Variants in AUTS2 observed in about 807,000 individuals in gnomAD.
AUTS2 encodes the protein activator of transcription and developmental regulator AUTS2, also known as autism susceptibility gene 2 protein.
AUTS2 carries 17 observed loss-of-function variants against 112.4 expected under a neutral mutation model. The observed-to-expected ratio is 0.15, with a 90% CI of 0.10 to 0.23. AUTS2 has a LOEUF of 0.23. Among genes scored for constraint, AUTS2 ranks in the 10% least tolerant of loss-of-function variants. The pLI is 1.00. For synonymous variants in AUTS2, 751 were observed against 702.7 expected (o/e 1.07, Z -1.09); for missense variants, 1,510 against 1,701.6 (o/e 0.89, Z 1.98).
intron 1 of AUTS2, among the ~76,000 whole-genome samples, chr7:69,780,631 C>T (rs1176564338): frequency 6.6e-6 from 1 of 152,206 alleles, no homozygotes; most frequent in Non-Finnish European, 1.5e-5. Context: ...ATTTATAGAG[C>T]TGTAAGTGGC....
At chr7:70,245,593 G>A (rs35308787) in intron 4 of AUTS2, among the ~76,000 whole-genome samples, 13,582 of 152,112 alleles carry the variant, frequency 0.089, 713 homozygotes, top group Admixed American at 0.12. Context: ...CATTTTCACT[G>A]CCCTGTAGTG....
chr7:70,493,724 AT>A (rs1275472052), intron 5 of AUTS2, among the ~76,000 whole-genome samples: 2 of 152,160 alleles, frequency 1.3e-5, no homozygotes, highest in Non-Finnish European at 2.9e-5. Flanking sequence ...TAAAAATTGT[AT>A]TAGAAACCTT....
At chr7:70,252,972 T>A (rs1786678980) in intron 4 of AUTS2, among the ~76,000 whole-genome samples, 2 of 152,216 alleles carry the variant, frequency 1.3e-5, no homozygotes, top group Admixed American at 1.3e-4. Context: ...CATACCTTTA[T>A]GATCACTGTA....
chr7:69,761,878 G>T (rs1395616857), intron 1 of AUTS2, among the ~76,000 whole-genome samples: 1 of 152,184 alleles, frequency 6.6e-6, no homozygotes, highest in Non-Finnish European at 1.5e-5. Flanking sequence ...AGATTATCTT[G>T]ATAAAGATTT....
At chr7:70,648,246 T>C (rs1806284068) in intron 5 of AUTS2, among the ~76,000 whole-genome samples, 1 of 152,080 alleles carries the variant, frequency 6.6e-6, no homozygotes, top group Non-Finnish European at 1.5e-5. Context: ...TCCGCCCCCC[T>C]CCACCACCAG....
intron 1 of AUTS2, among the ~76,000 whole-genome samples, chr7:69,757,978 C>G (rs1788009502): frequency 6.6e-6 from 1 of 152,216 alleles, no homozygotes; most frequent in Non-Finnish European, 1.5e-5. Context: ...AGTGAGAATT[C>G]TGAAGATACA....
intron 4 of AUTS2, among the ~76,000 whole-genome samples, chr7:70,155,528 C>T (rs1313982534): frequency 6.6e-6 from 1 of 150,948 alleles, no homozygotes; most frequent in Admixed American, 6.6e-5. Context: ...ACTCTTGTGC[C>T]AGTAAAGCCT....
At chr7:69,870,739 A>C (rs1793459051) in intron 1 of AUTS2, among the ~76,000 whole-genome samples, 1 of 152,000 alleles carries the variant, frequency 6.6e-6, no homozygotes, top group Non-Finnish European at 1.5e-5. Flanking sequence ...TTGTATAGAA[A>C]GTAGGACAAA....
At position 70,084,338 on chromosome 7, in the gene AUTS2, A is replaced by C. The variant is rs57804063; in HGVS notation, c.523-33794A>C. Among the ~76,000 whole-genome samples, 1,039 of 152,318 alleles carry C rather than the reference A, an allele frequency of 6.8e-3. 11 individuals carry two copies. The highest frequency in any genetic ancestry group is 0.052 in the East Asian group (268 of 5,188). On this transcript the variant is annotated intron_variant, in intron 2 of 18. Coordinates refer to ENST00000342771, the MANE Select transcript of AUTS2 (RefSeq NM_015570.4). Reference sequence around the variant, plus strand: ...TGGACTGTTTTCAGTTTTTGTTATTATGTATAATGCAGCTATGAACATTTA... The same window carrying C: ...TGGACTGTTTTCAGTTTTTGTTATTCTGTATAATGCAGCTATGAACATTTA...
At chr7:70,762,070 T>A (rs1789597280) in intron 6 of AUTS2, among the ~76,000 whole-genome samples, 1 of 152,162 alleles carries the variant, frequency 6.6e-6, no homozygotes, top group Non-Finnish European at 1.5e-5. Context: ...GTGTGTCCCT[T>A]TGGTCAAAAT....
At chr7:69,978,522 T>C (rs1217179299) in intron 2 of AUTS2, among the ~76,000 whole-genome samples, 1 of 152,152 alleles carries the variant, frequency 6.6e-6, no homozygotes, top group African/African-American at 2.4e-5. Context: ...AGTGTTCCTC[T>C]GAAAAACCAT....
chr7:70,527,367 A>AC (rs560463308), intron 5 of AUTS2, among the ~76,000 whole-genome samples: 1 of 152,058 alleles, frequency 6.6e-6, no homozygotes, highest in Non-Finnish European at 1.5e-5. Flanking sequence ...GGGGGGTTGA[A>AC]CCCCTGCCCA....
Position 69,598,644 on chromosome 7 carries a change from C to T in AUTS2, c.-1010C>T. 1 of 174,750 alleles carries T rather than the reference C, an allele frequency of 5.7e-6. No homozygotes were observed. The highest frequency in any genetic ancestry group is 1.2e-5 in the Non-Finnish European group (1 of 82,876). The allele number at this position is 174,750 out of a possible 1,614,324, so 10.8% of individuals were successfully genotyped here. ...GGGGCGGCGAGAGAAGCGGCGGCGGCGGCGGCGGCACACCGGTGTCTCTCC... is the reference window on the plus strand; with the variant it reads ...GGGGCGGCGAGAGAAGCGGCGGCGGTGGCGGCGGCACACCGGTGTCTCTCC... On this transcript the variant is annotated 5_prime_UTR_variant, in exon 1 of 19. Transcript: ENST00000342771.
intron 1 of AUTS2, among the ~76,000 whole-genome samples, chr7:69,807,819 A>G (rs1790372199): frequency 6.6e-6 from 1 of 152,136 alleles, no homozygotes; most frequent in African/African-American, 2.4e-5. Context: ...TGACTGATTC[A>G]AGAGAGAGAA....
rs1792850229 is a variant in AUTS2, at chr7:69,858,811, A to G, written c.310-40475A>G. Among the ~76,000 whole-genome samples the G allele has an allele frequency of 2.6e-5, 4 of 152,334 alleles. 1 individual carries two copies. In the South Asian group the frequency reaches 8.3e-4, roughly 32 times the overall value. ...TAGGCTTGCCTCACTCTTTGGAATCATGAGAGGTTTGCTAGGTATGTACTG... is the reference window on the plus strand; with the variant it reads ...TAGGCTTGCCTCACTCTTTGGAATCGTGAGAGGTTTGCTAGGTATGTACTG... On this transcript the variant is annotated intron_variant, in intron 1 of 18. Coordinates refer to ENST00000342771, the MANE Select transcript of AUTS2 (RefSeq NM_015570.4).
intron 6 of AUTS2, among the ~76,000 whole-genome samples, chr7:70,720,327 G>A (rs1343756055): frequency 2.0e-5 from 3 of 152,072 alleles, no homozygotes; most frequent in Admixed American, 2.0e-4. Context: ...CTGCCTCGGG[G>A]AATACTGTTA....
chr7:69,878,374 C>G (rs1049815019), intron 1 of AUTS2, among the ~76,000 whole-genome samples: 2 of 152,116 alleles, frequency 1.3e-5, no homozygotes, highest in Non-Finnish European at 2.9e-5. Context: ...TTCAGGAAAT[C>G]GTTTATTTAC....
chr7:70,028,043 A>C (rs552241888), intron 2 of AUTS2, among the ~76,000 whole-genome samples: 3 of 152,006 alleles, frequency 2.0e-5, no homozygotes, highest in Non-Finnish European at 4.4e-5. Context: ...TCAACTGTTC[A>C]TATTCTTTCC....
chr7:70,242,787 T>A (rs535885639), intron 4 of AUTS2, among the ~76,000 whole-genome samples: 1 of 149,974 alleles, frequency 6.7e-6, no homozygotes, highest in East Asian at 1.9e-4. Flanking sequence ...TAGCTGCACT[T>A]CCCTATGTTG....
Sources: allele counts gnomAD v4.1 joint callset (sites outside exome capture counted in the v4.1 genomes callset), GRCh38; gene constraint gnomAD v4.1.1; transcripts MANE v1.5; gene names NCBI Gene and HGNC (gene_info 2026-07-23, HGNC 2026-07-21).